CACNA1I: variants seen among roughly 807,000 people sequenced by gnomAD.
CACNA1I encodes the protein voltage-dependent T-type calcium channel subunit alpha-1I.
A neutral mutation model predicts 201.6 loss-of-function variants in CACNA1I; 74 were observed. That is an observed-to-expected ratio of 0.37 (90% CI 0.30 to 0.45). The LOEUF (loss-of-function observed/expected upper bound fraction) is 0.45, where lower values mean the gene tolerates loss of function less well. CACNA1I is among the 20% of genes least tolerant of loss of function. The pLI is 1.00. For synonymous variants in CACNA1I, 1,431 were observed against 1,345.2 expected (o/e 1.06, Z -1.40); for missense variants, 2,346 against 3,138.1 (o/e 0.75, Z 6.03).
chr22:39,638,854 G>C (rs1220137292), intron 5 of CACNA1I, among the ~76,000 whole-genome samples: 1 of 152,296 alleles, frequency 6.6e-6, no homozygotes, highest in African/African-American at 2.4e-5. Flanking sequence ...TCAGGCAATA[G>C]ATTCTCATAA....
rs907696570 is a variant in CACNA1I at position 39,686,441 on chromosome 22, C to T, written c.*36C>T. The T allele has an allele frequency of 7.7e-5, 93 of 1,202,300 alleles. No homozygotes were observed. In the East Asian group the frequency reaches 1.9e-3, roughly 24 times the overall value. 74.5% of individuals were successfully genotyped at this position (1,202,300 alleles called of 1,614,324 possible). A position where few individuals can be genotyped will look rare whatever the true frequency, so the allele number is the denominator to read the frequency against. ...GGCCCCCGGCCGCCCACCGCCCGCC[C>T]CGTCTCACCTTCTTTACCTCAGGAG... On this transcript the variant is annotated 3_prime_UTR_variant, in exon 37 of 37. Transcript: ENST00000402142.
Position 39,659,219 on chromosome 22 carries a change from G to C in CACNA1I, c.2330+103G>C. ...GTGCTTCTCTGGACAAAGCCACCTG[G>C]ACCTGGGTGTGAAGCCTGACACTGT... On this transcript the variant is annotated intron_variant, in intron 12 of 36. Coordinates refer to ENST00000402142, the MANE Select transcript of CACNA1I (RefSeq NM_021096.4). This position sits in a 1 kb window ranked among gnomAD's most constrained non-coding sequence, Gnocchi z 4.3. 1 of 1,408,440 alleles carries C rather than the reference G, an allele frequency of 7.1e-7. No homozygotes were observed. 87.2% of individuals were successfully genotyped at this position (1,408,440 alleles called of 1,614,324 possible).
intron 17 of CACNA1I, 82 bp downstream of exon 17, chr22:39,662,517 G>C: frequency 1.8e-6 from 2 of 1,112,744 alleles, no homozygotes; most frequent in South Asian, 1.7e-5. Flanking sequence ...CGGGGCCCGA[G>C]CGGGCGGGCC....
At chr22:39,603,586 A>G (rs1641903659) in intron 3 of CACNA1I, among the ~76,000 whole-genome samples, 1 of 152,024 alleles carries the variant, frequency 6.6e-6, no homozygotes, top group African/African-American at 2.4e-5. Flanking sequence ...TAAATACAAT[A>G]TTCACCTGAA....
At position 39,659,338 on chromosome 22, in the gene CACNA1I, GC is replaced by G. The variant is rs1934923944; in HGVS notation, c.2331-92del. The G allele has an allele frequency of 5.0e-6, 5 of 1,005,486 alleles. No individual in the cohort carries two copies. Among genetic ancestry groups the G allele is most frequent in the Non-Finnish European group, 7.6e-6 (5 of 658,860 alleles). 62.3% of individuals were successfully genotyped at this position (1,005,486 alleles called of 1,614,324 possible). ...GACCAACGCTGCCCCGCCTCCCCCT[GC>G]CCTGCATTTTACTGAGTTGACTGAG... On this transcript the variant is annotated intron_variant, in intron 12 of 36. Coordinates refer to ENST00000402142, the MANE Select transcript of CACNA1I (RefSeq NM_021096.4). This position sits in a 1 kb window ranked among gnomAD's most constrained non-coding sequence, Gnocchi z 4.3.
rs758531004 is a variant in CACNA1I, at chr22:39,665,573, C to A, written c.3927C>A (p.Ile1309=). 5.6e-6 allele frequency: 9 copies of A among 1,613,908 alleles called. No homozygotes were observed. The highest frequency in any genetic ancestry group is 7.6e-6 in the Non-Finnish European group (9 of 1,179,810). The change falls in exon 22 of 37, where the codon ATC becomes ATA. Residue 1309 remains isoleucine, a synonymous_variant. Transcript: ENST00000402142. This position sits in a 1 kb window ranked among gnomAD's most constrained non-coding sequence, Gnocchi z 5.5. ...CCTCCCTCAAGCCCATCGGCAACAT[C>A]GTGCTCATCTGCTGTGCCTTCTTCA... ...LISSLKPIGN[I]VLICCAFFII...
intron 1 of CACNA1I, among the ~76,000 whole-genome samples, chr22:39,597,893 C>A (rs2145824925): frequency 6.6e-6 from 1 of 152,280 alleles, no homozygotes; most frequent in East Asian, 1.9e-4. Flanking sequence ...CTGAGGGGAG[C>A]TCTCAGGCTG....
Position 39,677,524 on chromosome 22 carries a change from T to C in CACNA1I, c.4933+105T>C. On this transcript the variant is annotated intron_variant, in intron 30 of 36. Transcript: ENST00000402142. This position sits in a 1 kb window ranked among gnomAD's most constrained non-coding sequence, Gnocchi z 4.8. ...GACCCCTGAGCCCGTCACATCAGGGTCTTTGTATTGGGGAGATGCCTACAG... is the reference window on the plus strand; with the variant it reads ...GACCCCTGAGCCCGTCACATCAGGGCCTTTGTATTGGGGAGATGCCTACAG... The C allele has an allele frequency of 1.3e-6, 1 of 779,742 alleles. No homozygotes were observed. The highest frequency in any genetic ancestry group is 2.0e-6 in the Non-Finnish European group (1 of 500,678). 48.3% of individuals were successfully genotyped at this position (779,742 alleles called of 1,614,324 possible).
intron 1 of CACNA1I, among the ~76,000 whole-genome samples, chr22:39,571,573 G>A (rs1175010246): frequency 6.6e-6 from 1 of 152,048 alleles, no homozygotes; most frequent in Non-Finnish European, 1.5e-5. Flanking sequence ...CAGGGCCTGT[G>A]TGTTCCACCC....
Position 39,637,289 on chromosome 22 carries a change from C to T in CACNA1I, c.740+2565C>T, listed in dbSNP as rs772103781. Among the ~76,000 whole-genome samples the T allele has an allele frequency of 4.6e-4, 70 of 152,190 alleles. 2 individuals are homozygous for T. The highest frequency in any genetic ancestry group is 2.6e-4 in the Admixed American group (4 of 15,286). ...CAGGGTGGGGACCAATGGGGCTTCT[C>T]GCTTCACAGAGGACCAGTGGGACTT... On this transcript the variant is annotated intron_variant, in intron 5 of 36. Coordinates refer to ENST00000402142, the MANE Select transcript of CACNA1I (RefSeq NM_021096.4).
At chr22:39,599,618 CAAAAAAAAAAA>C (rs71197187) in intron 2 of CACNA1I, among the ~76,000 whole-genome samples, 4 of 64,318 alleles carry the variant, frequency 6.2e-5, no homozygotes, top group African/African-American at 2.1e-4. Context: ...GACTCCGTCT[CAAAAAAAAAAA>C]AAAAAAAAAA....
chr22:39,657,367 G>A (rs1934855766), intron 10 of CACNA1I, among the ~76,000 whole-genome samples: 1 of 152,176 alleles, frequency 6.6e-6, no homozygotes, highest in South Asian at 2.1e-4. Context: ...GTCCTCCTCC[G>A]AGAGCTGCTG....
chr22:39,653,036 C>A (rs136837), intron 10 of CACNA1I, among the ~76,000 whole-genome samples: 1 of 124,114 alleles, frequency 8.1e-6, no homozygotes, highest in Non-Finnish European at 1.9e-5. Flanking sequence ...GTACACGGAT[C>A]CCCCCACACG....
chr22:39,683,701 C>A (rs1488491702), intron 35 of CACNA1I, among the ~76,000 whole-genome samples: 2 of 151,534 alleles, frequency 1.3e-5, no homozygotes, highest in Non-Finnish European at 3.0e-5. Flanking sequence ...TGCTGCTACC[C>A]CCCACGCCCC....
chr22:39,656,959 CCGT>C, intron 10 of CACNA1I, among the ~76,000 whole-genome samples: 1 of 152,164 alleles, frequency 6.6e-6, no homozygotes, highest in Non-Finnish European at 1.5e-5. Context: ...CCCAGGGGAG[CCGT>C]GGCAGGGAGA....
intron 18 of CACNA1I, among the ~76,000 whole-genome samples, 191 bp from the exon 19 acceptor site, chr22:39,663,527 G>A (rs549878135): frequency 1.3e-5 from 2 of 152,334 alleles, no homozygotes; most frequent in South Asian, 4.1e-4. Context: ...TGGTGTGGGT[G>A]TATGGTCAGA....
intron 7 of CACNA1I, among the ~76,000 whole-genome samples, chr22:39,646,177 GT>G (rs1298555554): frequency 6.6e-6 from 1 of 151,982 alleles, no homozygotes; most frequent in Non-Finnish European, 1.5e-5. Context: ...ATCTTTTCCT[GT>G]CCCCATCTGT....
chr22:39,600,489 G>A, intron 2 of CACNA1I, 31 bp from the exon 3 acceptor site: 2 of 1,600,448 alleles, frequency 1.2e-6, no homozygotes, highest in South Asian at 1.1e-5. Flanking sequence ...ACCTCACCCT[G>A]TCCCTTGCTT....
intron 1 of CACNA1I, among the ~76,000 whole-genome samples, chr22:39,589,599 C>T (rs748680042): frequency 2.0e-5 from 3 of 152,234 alleles, no homozygotes; most frequent in Non-Finnish European, 4.4e-5. Flanking sequence ...AGGAGCTGAG[C>T]CTGGTTCATC....
Sources: allele counts gnomAD v4.1 joint callset (sites outside exome capture counted in the v4.1 genomes callset), GRCh38; gene constraint gnomAD v4.1.1; non-coding constraint Gnocchi (gnomAD v3.1); transcripts MANE v1.5; gene names NCBI Gene and HGNC (gene_info 2026-07-23, HGNC 2026-07-21).